The following AP3B1 variants were observed in gnomAD, a reference collection of about 807,000 sequenced individuals.
AP3B1 encodes the protein AP-3 complex subunit beta-1.
A neutral mutation model predicts 132.5 loss-of-function variants in AP3B1; 61 were observed. The observed-to-expected ratio is 0.46, with a 90% CI of 0.37 to 0.57. The LOEUF (loss-of-function observed/expected upper bound fraction) is 0.57. AP3B1 is among the 20% of genes least tolerant of loss of function. The probability of loss-of-function intolerance (pLI) is 0.00; values close to 1 mark genes in which losing one functional copy is unlikely to be tolerated. For missense variants in AP3B1, 1,120 were observed against 1,289.4 expected (o/e 0.87, Z 2.01); for synonymous variants, 388 against 438.3 (o/e 0.89, Z 1.43).
intron 1 of AP3B1, among the ~76,000 whole-genome samples, chr5:78,281,457 A>G (rs868341077): frequency 2.0e-5 from 3 of 148,282 alleles, no homozygotes; most frequent in Non-Finnish European, 4.5e-5. Flanking sequence ...AAAAAAAAAA[A>G]CAGTTCTCAT....
chr5:78,120,173 A>C (rs1432341730), intron 17 of AP3B1, among the ~76,000 whole-genome samples: 1 of 152,204 alleles, frequency 6.6e-6, no homozygotes, highest in Non-Finnish European at 1.5e-5. Context: ...GCCTGCCCTA[A>C]AAGAGCTCCT....
intron 22 of AP3B1, among the ~76,000 whole-genome samples, chr5:78,061,448 C>A (rs1036213506): frequency 6.6e-6 from 1 of 152,148 alleles, no homozygotes; most frequent in Non-Finnish European, 1.5e-5. Context: ...AAAATTCTGA[C>A]ACACGACACA....
At chr5:78,131,430 C>A (rs1752683289) in intron 15 of AP3B1, among the ~76,000 whole-genome samples, 1 of 151,988 alleles carries the variant, frequency 6.6e-6, no homozygotes. Context: ...GAAAATCCTA[C>A]TGAATGAAGA....
intron 7 of AP3B1, among the ~76,000 whole-genome samples, chr5:78,191,354 CAAA>C (rs34733864): frequency 1.1e-3 from 83 of 72,840 alleles, no homozygotes; most frequent in African/African-American, 4.0e-3. Flanking sequence ...TGCTTTTCCC[CAAA>C]AAAAAAAAAA....
At chr5:78,292,751 C>A (rs755970020) in intron 1 of AP3B1, among the ~76,000 whole-genome samples, 112 of 152,142 alleles carry the variant, frequency 7.4e-4, no homozygotes, top group Non-Finnish European at 5.3e-4. Context: ...CACCTCTAAT[C>A]AATTAGCTAC....
intron 14 of AP3B1, among the ~76,000 whole-genome samples, chr5:78,144,624 T>A (rs964753377): frequency 6.6e-6 from 1 of 152,196 alleles, no homozygotes; most frequent in African/African-American, 2.4e-5. Flanking sequence ...TGAATTACAA[T>A]GGGGTGCCAG....
rs116336374 is a variant in AP3B1 at position 78,204,619 on chromosome 5, T to C, written c.786+11436A>G. 2.5e-3 allele frequency among the ~76,000 whole-genome samples: 376 copies of C among 152,308 alleles called. 1 individual carries two copies. The highest frequency in any genetic ancestry group is 8.4e-3 in the Admixed American group (128 of 15,298). On this transcript the variant is annotated intron_variant, in intron 7 of 26. Coordinates refer to ENST00000255194, the MANE Select transcript of AP3B1 (RefSeq NM_003664.5). ...CATTGTTTACTCCCATTGATATCTA[T>C]TGCCCCAAGGGGCATTAGTAGATAA...
chr5:78,018,655 C>T (rs913712394), intron 25 of AP3B1, among the ~76,000 whole-genome samples: 18 of 148,516 alleles, frequency 1.2e-4, no homozygotes, highest in Middle Eastern at 3.4e-3. Flanking sequence ...GTAGAAAAAT[C>T]GGTTAAAGCT....
chr5:78,139,873 G>C (rs1449089888), intron 15 of AP3B1, among the ~76,000 whole-genome samples: 1 of 152,116 alleles, frequency 6.6e-6, no homozygotes, highest in African/African-American at 2.4e-5. Context: ...GGCACGAAGG[G>C]ATGAAGGATG....
At chr5:78,175,233 C>T (rs897196818) in intron 11 of AP3B1, among the ~76,000 whole-genome samples, 1 of 152,204 alleles carries the variant, frequency 6.6e-6, no homozygotes, top group African/African-American at 2.4e-5. Context: ...CACCCACTGT[C>T]CAACCAGTCC....
intron 13 of AP3B1, among the ~76,000 whole-genome samples, chr5:78,160,827 ATATTC>A (rs1554071721): frequency 6.6e-6 from 1 of 152,014 alleles, no homozygotes; most frequent in Non-Finnish European, 1.5e-5. Context: ...TTTGATATAA[ATATTC>A]TCCTTATTTG....
intron 14 of AP3B1, among the ~76,000 whole-genome samples, chr5:78,142,074 G>C (rs970739484): frequency 2.0e-5 from 3 of 152,166 alleles, no homozygotes; most frequent in Non-Finnish European, 4.4e-5. Context: ...ATCAAGGTCT[G>C]CTTATAAAAT....
chr5:78,150,355 A>G (rs1333446499), intron 14 of AP3B1, among the ~76,000 whole-genome samples: 5 of 152,208 alleles, frequency 3.3e-5, no homozygotes, highest in African/African-American at 1.2e-4. Context: ...CAATGCTAAG[A>G]AAAGATCAAG....
intron 7 of AP3B1, among the ~76,000 whole-genome samples, chr5:78,207,309 C>T (rs559086522): frequency 6.6e-6 from 1 of 151,410 alleles, no homozygotes; most frequent in South Asian, 2.1e-4. Flanking sequence ...CACCTGTGGT[C>T]CCAGCTACTC....
chr5:78,048,536 T>C (rs1580281012), intron 22 of AP3B1, among the ~76,000 whole-genome samples: 1 of 152,308 alleles, frequency 6.6e-6, no homozygotes, highest in Middle Eastern at 3.4e-3. Flanking sequence ...TGGTACCTAG[T>C]AATTTGAGCC....
At position 78,175,381 on chromosome 5, in the gene AP3B1, G is replaced by A. The variant is rs559221959; in HGVS notation, c.1167+245C>T. Reference sequence around the variant, plus strand: ...AATCTCCAAAGTTATTTATTTAAATGCCTGTCTCCTTCAGTAATCTGTGAG... The same window carrying A: ...AATCTCCAAAGTTATTTATTTAAATACCTGTCTCCTTCAGTAATCTGTGAG... On this transcript the variant is annotated intron_variant, in intron 11 of 26. Coordinates refer to ENST00000255194, the MANE Select transcript of AP3B1 (RefSeq NM_003664.5). Among the ~76,000 whole-genome samples the A allele has an allele frequency of 8.0e-4, 122 of 152,170 alleles. 2 individuals carry two copies. Among genetic ancestry groups the A allele is most frequent in the Non-Finnish European group, 2.5e-4 (17 of 68,038 alleles).
At chr5:78,168,174 AATTTT>A (rs1743738751) in intron 11 of AP3B1, among the ~76,000 whole-genome samples, 1 of 151,550 alleles carries the variant, frequency 6.6e-6, no homozygotes, top group Non-Finnish European at 1.5e-5. Context: ...TTTAATTTTT[AATTTT>A]ATTTTGATAA....
chr5:78,022,446 T>C (rs1045270381), intron 24 of AP3B1, among the ~76,000 whole-genome samples: 1 of 152,026 alleles, frequency 6.6e-6, no homozygotes, highest in Non-Finnish European at 1.5e-5. Context: ...ACAGAAGAGG[T>C]TGGGGGAACA....
chr5:78,106,964 A>T (rs1051335815), intron 20 of AP3B1, among the ~76,000 whole-genome samples: 6 of 152,230 alleles, frequency 3.9e-5, no homozygotes, highest in Admixed American at 2.0e-4. Context: ...GAAAGATGTT[A>T]CCATGGAAGT....
Sources: gnomAD v4.1 joint callset for allele counts (sites outside exome capture counted in the v4.1 genomes callset) on GRCh38, gnomAD v4.1.1 for gene constraint, MANE v1.5 for transcripts, NCBI Gene and HGNC (gene_info 2026-07-23, HGNC 2026-07-21) for gene names.